Variants in SLC8A1 observed in about 807,000 individuals in gnomAD.
SLC8A1 encodes solute carrier family 8 member A1, also known as sodium/calcium exchanger 1.
SLC8A1 carries 18 observed loss-of-function variants against 68.3 expected under a neutral mutation model. The ratio of observed to expected loss-of-function variants is 0.26; its 90% confidence interval spans 0.18 to 0.39. The LOEUF (loss-of-function observed/expected upper bound fraction) is 0.39. Among genes scored for constraint, SLC8A1 ranks in the 10% least tolerant of loss-of-function variants. The pLI, the probability that SLC8A1 is intolerant of heterozygous loss-of-function variation, is 1.00. For missense variants in SLC8A1, 985 were observed against 1,156.7 expected (o/e 0.85, Z 2.15); for synonymous variants, 475 against 415.5 (o/e 1.14, Z -1.74).
At chr2:40,134,685 T>C (rs375811457) in intron 7 of SLC8A1, among the ~76,000 whole-genome samples, 2 of 152,218 alleles carry the variant, frequency 1.3e-5, no homozygotes, top group Middle Eastern at 3.4e-3. Context: ...TCGCTAGAAG[T>C]TATTAGGAAG....
At chr2:40,210,989 C>G (rs187961805) in intron 2 of SLC8A1, among the ~76,000 whole-genome samples, 54 of 152,280 alleles carry the variant, frequency 3.5e-4, no homozygotes, top group Admixed American at 2.9e-3. Context: ...TATCAAGACC[C>G]TCATTTTCTA....
At chr2:40,508,288 GT>G (rs1706494932) in intron 1 of SLC8A1, among the ~76,000 whole-genome samples, 1 of 150,786 alleles carries the variant, frequency 6.6e-6, no homozygotes, top group African/African-American at 2.4e-5. Flanking sequence ...CATCATTTCT[GT>G]TAAGGTATGA....
At chr2:40,512,158 G>T (rs565940732) in intron 1 of SLC8A1, among the ~76,000 whole-genome samples, 3 of 152,294 alleles carry the variant, frequency 2.0e-5, no homozygotes, top group Admixed American at 6.5e-5. Context: ...CCGTTGCAAA[G>T]CTTCCCTGTC....
chr2:40,477,917 G>A (rs1358961853), intron 1 of SLC8A1, among the ~76,000 whole-genome samples: 1 of 152,078 alleles, frequency 6.6e-6, no homozygotes, highest in East Asian at 1.9e-4. Context: ...TTGGACTGAA[G>A]CTCAGGGAAT....
chr2:40,505,161 G>C (rs375232827), intron 1 of SLC8A1, among the ~76,000 whole-genome samples: 83 of 151,930 alleles, frequency 5.5e-4, no homozygotes, highest in Middle Eastern at 3.4e-3. Context: ...TTGAACTCAT[G>C]GACATAGAGA....
At chr2:40,487,243 G>A (rs530826875) in intron 1 of SLC8A1, among the ~76,000 whole-genome samples, 1 of 152,050 alleles carries the variant, frequency 6.6e-6, no homozygotes, top group African/African-American at 2.4e-5. Context: ...AGGTAAAATC[G>A]GTAAGATGTA....
chr2:40,282,418 A>G (rs1220843919), intron 2 of SLC8A1, among the ~76,000 whole-genome samples: 1 of 152,190 alleles, frequency 6.6e-6, no homozygotes, highest in Non-Finnish European at 1.5e-5. Flanking sequence ...ATTACCCAAG[A>G]CATTGAGCAT....
chr2:40,134,030 T>C (rs990791271), intron 7 of SLC8A1, among the ~76,000 whole-genome samples: 3 of 152,156 alleles, frequency 2.0e-5, no homozygotes, highest in Non-Finnish European at 4.4e-5. Flanking sequence ...GATACACTTG[T>C]GTTAGGCTAC....
At chr2:40,510,272 C>T (rs1249598132) in intron 1 of SLC8A1, among the ~76,000 whole-genome samples, 3 of 152,112 alleles carry the variant, frequency 2.0e-5, no homozygotes, top group Non-Finnish European at 2.9e-5. Context: ...GGGCAAGTAG[C>T]TTGACTGTCA....
At chr2:40,252,150 T>A (rs2062860801) in intron 2 of SLC8A1, among the ~76,000 whole-genome samples, 1 of 152,232 alleles carries the variant, frequency 6.6e-6, no homozygotes, top group East Asian at 1.9e-4. Context: ...TGTGGTTGTA[T>A]GAATTTATTC....
chr2:40,446,474 T>G (rs550800840), intron 1 of SLC8A1: 53 of 152,342 alleles, frequency 3.5e-4, no homozygotes, highest in African/African-American at 1.2e-3. Flanking sequence ...CCTTATTTGC[T>G]TTCAAAATCC....
intron 1 of SLC8A1, among the ~76,000 whole-genome samples, chr2:40,503,027 T>G (rs572536458): frequency 1.4e-4 from 22 of 152,092 alleles, no homozygotes; most frequent in African/African-American, 4.3e-4. Context: ...TCTGAAGTAC[T>G]GAGAATGGTT....
chr2:40,474,954 G>C (rs1237808571), intron 1 of SLC8A1, among the ~76,000 whole-genome samples: 1 of 152,062 alleles, frequency 6.6e-6, no homozygotes, highest in African/African-American at 2.4e-5. Flanking sequence ...ATCATTATTT[G>C]TTTGGAGTCC....
At chr2:40,108,025 T>A (rs1330597628) in exon 8 of SLC8A1, 1 of 152,200 alleles carries the variant, frequency 6.6e-6, no homozygotes, top group Non-Finnish European at 1.5e-5. Flanking sequence ...GGCCTTGTGG[T>A]TCATTTGGGC....
intron 2 of SLC8A1, among the ~76,000 whole-genome samples, chr2:40,404,804 C>T (rs928988442): frequency 1.4e-4 from 21 of 152,110 alleles, no homozygotes; most frequent in Admixed American, 1.3e-3. Flanking sequence ...TCCAAAAAGG[C>T]CCCCATTGCT....
intron 2 of SLC8A1, among the ~76,000 whole-genome samples, chr2:40,342,797 C>A (rs1668112580): frequency 1.3e-5 from 2 of 152,094 alleles, no homozygotes; most frequent in South Asian, 4.1e-4. Context: ...CCCAGAGAAT[C>A]TTGGTTGTTA....
chr2:40,343,123 T>A (rs867732320), intron 2 of SLC8A1, among the ~76,000 whole-genome samples: 1 of 152,134 alleles, frequency 6.6e-6, no homozygotes, highest in Non-Finnish European at 1.5e-5. Context: ...AAAAGATATA[T>A]GATTCAATGT....
chr2:40,187,333 C>G (rs1358016578), intron 2 of SLC8A1, among the ~76,000 whole-genome samples: 3 of 152,166 alleles, frequency 2.0e-5, no homozygotes, highest in African/African-American at 7.2e-5. Context: ...TAAATAGACT[C>G]CAAGGACAAG....
At chr2:40,223,744 A>T (rs1428486348) in intron 2 of SLC8A1, 2 of 152,146 alleles carry the variant, frequency 1.3e-5, no homozygotes, top group East Asian at 3.9e-4. Flanking sequence ...GACAGCAAAC[A>T]GAAAGCAGTA....
Sources: gnomAD v4.1 joint callset for allele counts (sites outside exome capture counted in the v4.1 genomes callset) on GRCh38, gnomAD v4.1.1 for gene constraint, MANE v1.5 for transcripts, NCBI Gene and HGNC (gene_info 2026-07-23, HGNC 2026-07-21) for gene names.